Variants in FBXL17 observed in about 807,000 individuals in gnomAD.
FBXL17 encodes F-box and leucine rich repeat protein 17, also known as F-box/LRR-repeat protein 17.
FBXL17 carries 22 observed loss-of-function variants against 66.2 expected under a neutral mutation model. The observed-to-expected ratio is 0.33, with a 90% CI of 0.24 to 0.47. The LOEUF is 0.47. Ranked by LOEUF, FBXL17 falls within the 20% of genes least tolerant of loss-of-function variation. The pLI, the probability that FBXL17 is intolerant of heterozygous loss-of-function variation, is 1.00. For synonymous variants in FBXL17, 474 were observed against 400.5 expected (o/e 1.18, Z -2.19); for missense variants, 878 against 948.2 (o/e 0.93, Z 0.97).
intron 6 of FBXL17, among the ~76,000 whole-genome samples, chr5:108,123,150 T>A (rs181739581): frequency 6.7e-6 from 1 of 148,706 alleles, no homozygotes; most frequent in African/African-American, 2.6e-5. Flanking sequence ...CTTGGGTAAG[T>A]TTTTTGTCTT....
chr5:108,309,234 C>T lies in FBXL17; in HGVS notation c.1506+39165G>A, dbSNP rs570690271. On this transcript the variant is annotated intron_variant, in intron 4 of 8. Coordinates refer to ENST00000542267, the MANE Select transcript of FBXL17 (RefSeq NM_001163315.3). The stretch of plus-strand genomic sequence containing the variant: ...AGAGATAGTGTAAATAAGCATAAGC[C>T]AAAATAACAGAGCATAGCCATTTTT... Among the ~76,000 whole-genome samples, 4 of 151,888 alleles carry T rather than the reference C, an allele frequency of 2.6e-5. No individual in the cohort carries two copies. The South Asian group carries it at 8.3e-4, about 32-fold the overall frequency.
intron 7 of FBXL17, among the ~76,000 whole-genome samples, chr5:107,934,224 A>G (rs1246568753): frequency 6.6e-6 from 1 of 152,162 alleles, no homozygotes; most frequent in African/African-American, 2.4e-5. Context: ...GTAAAGTTTG[A>G]CCAAAATTCT....
At chr5:108,207,776 T>G (rs929445074) in intron 5 of FBXL17, among the ~76,000 whole-genome samples, 1 of 152,244 alleles carries the variant, frequency 6.6e-6, no homozygotes, top group Admixed American at 6.5e-5. Context: ...AGTGCTGCAA[T>G]AAACATACGT....
chr5:107,890,618 C>T, intron 7 of FBXL17, among the ~76,000 whole-genome samples: 1 of 150,716 alleles, frequency 6.6e-6, no homozygotes, highest in Non-Finnish European at 1.5e-5. Flanking sequence ...GAGCCAAGAT[C>T]ACACCACTAC....
intron 6 of FBXL17, among the ~76,000 whole-genome samples, chr5:108,044,157 A>T (rs1180801113): frequency 2.0e-5 from 3 of 152,104 alleles, no homozygotes; most frequent in African/African-American, 7.2e-5. Flanking sequence ...ATTCCCTTCC[A>T]ATCTGTATGC....
rs1554054251 is a variant in FBXL17, at chr5:107,980,645, A to ATATATATATATATAT, written c.1822+40279_1822+40280insATATATATATATATA. ...AGCCACCATGACTGGCCAATAAAAT[A>ATATATATATATATAT]ATATATATATATATATATATTTTTT... On this transcript the variant is annotated intron_variant, in intron 7 of 8. Transcript: ENST00000542267. Among the ~76,000 whole-genome samples the ATATATATATATATAT allele has an allele frequency of 1.4e-4, 11 of 79,214 alleles. 1 individual carries two copies. Among genetic ancestry groups the ATATATATATATATAT allele is most frequent in the South Asian group, 9.0e-4 (2 of 2,212 alleles). 52.0% of individuals were successfully genotyped at this position (79,214 alleles called of 152,430 possible).
intron 4 of FBXL17, among the ~76,000 whole-genome samples, chr5:108,245,730 G>T (rs537992789): frequency 2.0e-5 from 3 of 152,218 alleles, no homozygotes; most frequent in African/African-American, 7.2e-5. Flanking sequence ...GTCACTTTTG[G>T]CAGAGAGGAA....
intron 5 of FBXL17, among the ~76,000 whole-genome samples, chr5:108,193,531 A>G (rs1753556495): frequency 1.3e-5 from 2 of 152,192 alleles, no homozygotes; most frequent in Admixed American, 1.3e-4. Context: ...CTACACTTAG[A>G]GAAGGACTTG....
At position 108,262,849 on chromosome 5, in the gene FBXL17, T is replaced by C. The variant is rs181331289; in HGVS notation, c.1507-38621A>G. ...CAGTATCTATGACTAGCTCAATTAA[T>C]AGAGGGAAAGCATGTGATAACCATT... On this transcript the variant is annotated intron_variant, in intron 4 of 8. Coordinates refer to ENST00000542267, the MANE Select transcript of FBXL17 (RefSeq NM_001163315.3). Among the ~76,000 whole-genome samples, 481 of 152,312 alleles carry C rather than the reference T, an allele frequency of 3.2e-3. 3 individuals are homozygous for C. The highest frequency in any genetic ancestry group is 4.9e-3 in the Non-Finnish European group (334 of 68,016).
intron 4 of FBXL17, among the ~76,000 whole-genome samples, chr5:108,240,144 C>T (rs1170351297): frequency 6.6e-6 from 1 of 151,842 alleles, no homozygotes; most frequent in East Asian, 1.9e-4. Flanking sequence ...GCTGTTGTGG[C>T]TATAGGGAAA....
At chr5:108,175,052 CT>C in intron 6 of FBXL17, among the ~76,000 whole-genome samples, 1 of 152,276 alleles carries the variant, frequency 6.6e-6, no homozygotes, top group Admixed American at 6.5e-5. Context: ...ATAAATAAAT[CT>C]GTTAGAAAGG....
At chr5:107,884,228 C>T (rs1457673158) in intron 7 of FBXL17, among the ~76,000 whole-genome samples, 1 of 152,194 alleles carries the variant, frequency 6.6e-6, no homozygotes, top group Non-Finnish European at 1.5e-5. Flanking sequence ...GGACTGACCA[C>T]TGTAGGACAG....
chr5:108,332,780 G>A (rs1760184767), intron 4 of FBXL17, among the ~76,000 whole-genome samples: 1 of 151,754 alleles, frequency 6.6e-6, no homozygotes, highest in African/African-American at 2.4e-5. Context: ...GCTAATTCTT[G>A]TATTTTTAGT....
At chr5:107,885,839 G>A (rs1372619529) in intron 7 of FBXL17, among the ~76,000 whole-genome samples, 2 of 152,010 alleles carry the variant, frequency 1.3e-5, no homozygotes, top group East Asian at 1.9e-4. Context: ...GAGATGTGGG[G>A]GTGGGGTTGT....
At chr5:107,865,944 A>C (rs1169360060) in intron 8 of FBXL17, among the ~76,000 whole-genome samples, 1 of 152,192 alleles carries the variant, frequency 6.6e-6, no homozygotes, top group Non-Finnish European at 1.5e-5. Flanking sequence ...GCAGAGCCCA[A>C]ATCCTTTTAC....
intron 8 of FBXL17, chr5:107,879,375 AAAG>A (rs1405086773): frequency 5.8e-5 from 57 of 985,304 alleles, no homozygotes; most frequent in African/African-American, 7.0e-5. Flanking sequence ...ACTTGTCTTA[AAAG>A]AAGTCATTTT....
At chr5:108,336,858 T>C (rs1032997011) in intron 4 of FBXL17, among the ~76,000 whole-genome samples, 2 of 152,322 alleles carry the variant, frequency 1.3e-5, no homozygotes, top group Admixed American at 1.3e-4. Context: ...TTTTACGTCC[T>C]AAAAGCTATA....
At chr5:107,906,541 T>A (rs1749763097) in intron 7 of FBXL17, among the ~76,000 whole-genome samples, 1 of 152,162 alleles carries the variant, frequency 6.6e-6, no homozygotes, top group Admixed American at 6.6e-5. Flanking sequence ...GAAGGCTACA[T>A]TTCAGATGAT....
intron 1 of FBXL17, among the ~76,000 whole-genome samples, chr5:108,374,847 CAT>C (rs1749309962): frequency 1.3e-5 from 2 of 151,994 alleles, no homozygotes; most frequent in Admixed American, 1.3e-4. Context: ...AAAACAAACA[CAT>C]ATAGCAAAAT....
Sources: gnomAD v4.1 joint callset for allele counts (sites outside exome capture counted in the v4.1 genomes callset) on GRCh38, gnomAD v4.1.1 for gene constraint, MANE v1.5 for transcripts, NCBI Gene and HGNC (gene_info 2026-07-23, HGNC 2026-07-21) for gene names.